DDX25: variants seen among roughly 807,000 people sequenced by gnomAD.
The protein encoded by DDX25 is ATP-dependent RNA helicase DDX25.
A neutral mutation model predicts 64.6 loss-of-function variants in DDX25; 70 were observed. That is an observed-to-expected ratio of 1.08 (90% CI 0.89 to 1.32). The LOEUF is 1.32. Among genes scored for constraint, DDX25 ranks in the 40% most tolerant of loss-of-function variants. DDX25 has a pLI of 0.00. For synonymous variants in DDX25, 211 were observed against 213.3 expected (o/e 0.99, Z 0.09); for missense variants, 587 against 604.4 (o/e 0.97, Z 0.30).
In DDX25 at chr11:125,925,802, G is replaced by A. The variant is rs1945161862; in HGVS notation, c.*2921G>A. 1 of 186,748 alleles carries A rather than the reference G, an allele frequency of 5.4e-6. No homozygotes were observed. Among genetic ancestry groups the A allele is most frequent in the South Asian group, 9.6e-5 (1 of 10,394 alleles). The allele number at this position is 186,748 out of a possible 1,614,324, so 11.6% of individuals were successfully genotyped here. A position where few individuals can be genotyped will look rare whatever the true frequency, so the allele number is the denominator to read the frequency against. On this transcript the variant is annotated 3_prime_UTR_variant, in exon 12 of 12. Transcript: ENST00000263576. ...GATCTAAGGCAACCATTAATAATAG[G>A]AAAGGCAAATAAGTTGGTCATAGTC...
chr11:125,904,611 C>T, intron 1 of DDX25, 31 bp downstream of exon 1: 1 of 1,431,790 alleles, frequency 7.0e-7, no homozygotes. Context: ...GGGCCACAGC[C>T]GCGGGGGTGG....
chr11:125,917,032 C>A lies in DDX25; in HGVS notation c.819C>A (p.Cys273Ter). The A allele has an allele frequency of 1.3e-6, 2 of 1,599,696 alleles. No individual in the cohort carries two copies. Among genetic ancestry groups the A allele is most frequent in the Middle Eastern group, 1.7e-4 (1 of 6,052 alleles). ...IRIQRALPSE[C>*]QMLLFSATFE... is the part of the protein sequence containing the mutation. ...ATCACAGAGCTCTACCCTCCGAATG[C>A]CAAATGCTCCTCTTTTCAGCAACCT... Residue 273 changes from cysteine to a stop codon, truncating the protein, a stop_gained, in exon 9 of 12, where the codon TGC (cysteine) becomes TGA (stop). Transcript: ENST00000263576. LOFTEE classifies it high-confidence loss of function.
At position 125,922,824 on chromosome 11, in the gene DDX25, C is replaced by CAGT. The variant is rs746286499; in HGVS notation, c.1397_1399dup (p.Ser466dup). ...TGTTCTCTTTTGTTCTTTTAGACAG[C>CAGT]AGTATTAAGCAACTCAACGCTGAAG... On this transcript the variant is annotated inframe_insertion, in exon 12 of 12. Transcript: ENST00000263576. The CAGT allele has an allele frequency of 1.9e-6, 3 of 1,607,376 alleles. No individual in the cohort carries two copies. Among genetic ancestry groups the CAGT allele is most frequent in the Non-Finnish European group, 2.5e-6 (3 of 1,176,580 alleles).
intron 4 of DDX25, among the ~76,000 whole-genome samples, chr11:125,907,470 T>A (rs529662168): frequency 1.1e-4 from 17 of 152,022 alleles, no homozygotes; most frequent in Non-Finnish European, 1.9e-4. Context: ...TAGCCAGGTG[T>A]GGTGGCGGGC....
At chr11:125,907,670 A>G (rs964227911) in intron 4 of DDX25, among the ~76,000 whole-genome samples, 6 of 152,148 alleles carry the variant, frequency 3.9e-5, no homozygotes, top group African/African-American at 1.4e-4. Flanking sequence ...CATTTTTCTT[A>G]AGACCCTCAG....
At position 125,923,585 on chromosome 11, in the gene DDX25, A is replaced by G. The variant is rs1463163153; in HGVS notation, c.*704A>G. ...CTTAAAAGCAGTCGGGAGGGTAAAA[A>G]AAAAACCCACATACCCTATTAAAGA... On this transcript the variant is annotated 3_prime_UTR_variant, in exon 12 of 12. Coordinates refer to ENST00000263576, the MANE Select transcript of DDX25 (RefSeq NM_013264.5). The G allele has an allele frequency of 3.3e-5, 5 of 152,188 alleles. No homozygotes were observed. Among genetic ancestry groups the G allele is most frequent in the Non-Finnish European group, 7.3e-5 (5 of 68,036 alleles). 9.4% of individuals were successfully genotyped at this position (152,188 alleles called of 1,614,324 possible). A position where few individuals can be genotyped will look rare whatever the true frequency, so the allele number is the denominator to read the frequency against.
Position 125,925,554 on chromosome 11 carries a change from G to A in DDX25, c.*2673G>A, listed in dbSNP as rs1945159456. 2.3e-6 allele frequency: 1 copy of A among 434,646 alleles called. No homozygotes were observed. Among genetic ancestry groups the A allele is most frequent in the Non-Finnish European group, 4.7e-6 (1 of 211,006 alleles). 26.9% of individuals were successfully genotyped at this position (434,646 alleles called of 1,614,324 possible). ...TGCCTGCCTGAGGACAGAGTAGATA[G>A]AGAGGCAAGGAAACACCAGGTGATT... is the stretch of plus-strand genomic sequence containing the variant. On this transcript the variant is annotated 3_prime_UTR_variant, in exon 12 of 12. Transcript: ENST00000263576.
chr11:125,920,107 G>T (rs1305124331), intron 10 of DDX25, among the ~76,000 whole-genome samples: 1 of 152,194 alleles, frequency 6.6e-6, no homozygotes, highest in African/African-American at 2.4e-5. Context: ...GGGAGGGGAA[G>T]TGCAGAAGTC....
intron 8 of DDX25, among the ~76,000 whole-genome samples, chr11:125,916,407 C>T (rs1945036984): frequency 6.6e-6 from 1 of 152,154 alleles, no homozygotes; most frequent in African/African-American, 2.4e-5. Context: ...CCTCTCTTTT[C>T]CCAAGGATTA....
intron 6 of DDX25, among the ~76,000 whole-genome samples, chr11:125,908,994 G>A (rs1258343642): frequency 1.3e-5 from 2 of 152,218 alleles, no homozygotes; most frequent in Non-Finnish European, 2.9e-5. Context: ...AGAAGGTCAG[G>A]TAGTCCACCT....
chr11:125,922,333 CGCTGTCCCCAGGGAAGT>C (rs2134286442), intron 11 of DDX25: 1 of 153,244 alleles, frequency 6.5e-6, no homozygotes, highest in South Asian at 2.1e-4. Flanking sequence ...AAGCAATAAG[CGCTGTCCCCAGGGAAGT>C]GCACACAGGC....
At chr11:125,911,536 G>T in intron 8 of DDX25, 48 bp downstream of exon 8, 2 of 1,555,224 alleles carry the variant, frequency 1.3e-6, no homozygotes, top group Non-Finnish European at 1.7e-6. Context: ...GTCCAGATGG[G>T]GAATTTCATT....
At chr11:125,908,529 G>A in intron 6 of DDX25, 26 bp downstream of exon 6, 1 of 1,607,162 alleles carries the variant, frequency 6.2e-7, no homozygotes, top group East Asian at 2.2e-5. Flanking sequence ...GAGAAGACTG[G>A]GAATGCTTGC....
upstream of DDX25, chr11:125,903,354 A>T: frequency 2.4e-6 from 1 of 418,654 alleles, no homozygotes; most frequent in Non-Finnish European, 3.2e-6. Flanking sequence ...CTCCGCCCAC[A>T]GGGCAGAATC....
At chr11:125,909,523 CAG>C (rs1375197552) in intron 6 of DDX25, among the ~76,000 whole-genome samples, 19 of 152,000 alleles carry the variant, frequency 1.3e-4, no homozygotes, top group African/African-American at 4.6e-4. Context: ...TATGGAATAA[CAG>C]AGTTTGGGGG....
chr11:125,927,096 G>A lies in DDX25; in HGVS notation c.*4215G>A, dbSNP rs1945174920. ...TCTCTTACTGCTTTGCAAACTATCAGTTTTAAATGTGGGTGGGGCTGAAGC... is the reference window on the plus strand; with the variant it reads ...TCTCTTACTGCTTTGCAAACTATCAATTTTAAATGTGGGTGGGGCTGAAGC... On this transcript the variant is annotated 3_prime_UTR_variant, in exon 12 of 12. Coordinates refer to ENST00000263576, the MANE Select transcript of DDX25 (RefSeq NM_013264.5). 1 of 152,236 alleles carries A rather than the reference G, an allele frequency of 6.6e-6. No individual in the cohort carries two copies. Among genetic ancestry groups the A allele is most frequent in the Admixed American group, 6.5e-5 (1 of 15,288 alleles). 9.4% of individuals were successfully genotyped at this position (152,236 alleles called of 1,614,324 possible).
chr11:125,924,546 C>T lies in DDX25; in HGVS notation c.*1665C>T, dbSNP rs1945151309. The T allele has an allele frequency of 6.6e-6, 1 of 152,276 alleles. No individual in the cohort carries two copies. Among genetic ancestry groups the T allele is most frequent in the African/African-American group, 2.4e-5 (1 of 41,450 alleles). The allele number at this position is 152,276 out of a possible 1,614,324, so 9.4% of individuals were successfully genotyped here. ...CTCCTACAGGAGAGCAGGATGTATT[C>T]AACTGTGCCTTCTCAGCATGGACTT... On this transcript the variant is annotated 3_prime_UTR_variant, in exon 12 of 12. Coordinates refer to ENST00000263576, the MANE Select transcript of DDX25 (RefSeq NM_013264.5).
chr11:125,908,471 A>G lies in DDX25; in HGVS notation c.475A>G (p.Ser159Gly), dbSNP rs373014424. 1.7e-5 allele frequency: 28 copies of G among 1,613,746 alleles called. No individual in the cohort carries two copies. Among genetic ancestry groups the G allele is most frequent in the South Asian group, 5.5e-5 (5 of 91,088 alleles). Reference protein sequence around the residue: ...KTAAFVLAMLSRVNALELFPQ... With the variant: ...KTAAFVLAMLGRVNALELFPQ... Reference sequence around the variant, plus strand: ...AGCGGCATTTGTGTTGGCAATGTTAAGCAGAGTTAATGCCTTGGAATTGTT... The same window carrying G: ...AGCGGCATTTGTGTTGGCAATGTTAGGCAGAGTTAATGCCTTGGAATTGTT... Residue 159 changes from serine (S) to glycine (G), a missense_variant, in exon 6 of 12, where the codon AGC becomes GGC. By Grantham distance (56) the Ser-to-Gly change is moderately conservative (BLOSUM62 0). Coordinates refer to ENST00000263576, the MANE Select transcript of DDX25 (RefSeq NM_013264.5).
intron 7 of DDX25, among the ~76,000 whole-genome samples, chr11:125,910,999 G>C (rs994974439): frequency 6.6e-6 from 1 of 151,758 alleles, no homozygotes; most frequent in African/African-American, 2.4e-5. Context: ...AAAATAGAAG[G>C]ACTTTTTTTC....
Sources: gnomAD v4.1 joint callset for allele counts (sites outside exome capture counted in the v4.1 genomes callset) on GRCh38, gnomAD v4.1.1 for gene constraint, MANE v1.5 for transcripts, NCBI Gene and HGNC (gene_info 2026-07-23, HGNC 2026-07-21) for gene names.